Variants in RARB observed in about 807,000 individuals in gnomAD.
The protein encoded by RARB is HBV-activated protein.
A neutral mutation model predicts 51.9 loss-of-function variants in RARB; 17 were observed. The observed-to-expected ratio is 0.33, with a 90% CI of 0.22 to 0.49. RARB has a LOEUF of 0.49. RARB is among the 20% of genes least tolerant of loss of function. RARB has a pLI of 0.99. For missense variants in RARB, 369 were observed against 550.8 expected, an observed-to-expected ratio of 0.67 and a Z score of 3.30; for synonymous variants, 215 against 195.4, an observed-to-expected ratio of 1.10 and a Z score of -0.84.
chr3:25,085,446 G>A (rs951343727), intron 3 of RARB, among the ~76,000 whole-genome samples: 1 of 152,046 alleles, frequency 6.6e-6, no homozygotes, highest in Non-Finnish European at 1.5e-5. Flanking sequence ...ATGTTTGGGG[G>A]AATTCTTGGT....
At position 25,008,459 on chromosome 3, in the gene RARB, G is replaced by A. The variant is rs183423232; in HGVS notation, c.-379-51666G>A. ...AAGTACAGTTCAGTCTTGTGAGGAT[G>A]ATGAAAGTTCTGCCTCTGAGTAGCT... On this transcript the variant is annotated intron_variant, in intron 2 of 11. Transcript: ENST00000383772. 3.9e-5 allele frequency among the ~76,000 whole-genome samples: 6 copies of A among 152,246 alleles called. 1 individual carries two copies. The East Asian group carries it at 1.2e-3, about 29-fold the overall frequency.
chr3:25,078,888 A>G (rs1385575795), intron 3 of RARB, among the ~76,000 whole-genome samples: 1 of 152,120 alleles, frequency 6.6e-6, no homozygotes, highest in Non-Finnish European at 1.5e-5. Flanking sequence ...TTGCATTTTT[A>G]TATAAATTTT....
intron 2 of RARB, among the ~76,000 whole-genome samples, chr3:25,485,800 A>T (rs1390101873): frequency 6.6e-6 from 1 of 152,200 alleles, no homozygotes; most frequent in Non-Finnish European, 1.5e-5. Context: ...TCGGGAACAG[A>T]GGCAGAGCAT....
intron 3 of RARB, among the ~76,000 whole-genome samples, chr3:25,552,881 G>T (rs534614283): frequency 6.6e-6 from 1 of 152,246 alleles, no homozygotes; most frequent in East Asian, 1.9e-4. Flanking sequence ...TTACATCATG[G>T]TCTCTACTTT....
intron 2 of RARB, among the ~76,000 whole-genome samples, chr3:24,920,235 C>G (rs1695189511): frequency 6.6e-6 from 1 of 152,138 alleles, no homozygotes; most frequent in Non-Finnish European, 1.5e-5. Context: ...TAAAAATAGT[C>G]CACCTCTATC....
intron 1 of RARB, among the ~76,000 whole-genome samples, chr3:25,450,147 A>G (rs1709128502): frequency 6.6e-6 from 1 of 152,186 alleles, no homozygotes; most frequent in African/African-American, 2.4e-5. Flanking sequence ...AGCCTACAGT[A>G]TATGCTCCAT....
intron 3 of RARB, among the ~76,000 whole-genome samples, chr3:25,545,136 G>A (rs1390091697): frequency 6.6e-6 from 1 of 151,952 alleles, no homozygotes; most frequent in Non-Finnish European, 1.5e-5. Context: ...GTAGAGATGG[G>A]GTTTTACCAT....
chr3:25,287,290 TTA>T (rs1216950006), intron 5 of RARB, among the ~76,000 whole-genome samples: 2 of 152,208 alleles, frequency 1.3e-5, no homozygotes, highest in Non-Finnish European at 2.9e-5. Flanking sequence ...TGACGTGGTT[TTA>T]TTTTTCCCTT....
chr3:25,524,443 A>G (rs1698547892), intron 3 of RARB, among the ~76,000 whole-genome samples: 1 of 152,190 alleles, frequency 6.6e-6, no homozygotes, highest in Non-Finnish European at 1.5e-5. Flanking sequence ...TTAGATTTGC[A>G]AAGTACCAGC....
intron 3 of RARB, among the ~76,000 whole-genome samples, chr3:25,517,841 C>T (rs1477130893): frequency 5.3e-5 from 8 of 152,020 alleles, no homozygotes; most frequent in Non-Finnish European, 5.9e-5. Flanking sequence ...ATATATGGTA[C>T]GACATGGATG....
chr3:24,829,419 C>G (rs1348956560), intron 1 of RARB, among the ~76,000 whole-genome samples: 1 of 152,184 alleles, frequency 6.6e-6, no homozygotes, highest in Non-Finnish European at 1.5e-5. Context: ...GCCAGGAGAG[C>G]GCGCTGGCGG....
rs568980321 is a variant in RARB at position 25,053,302 on chromosome 3, C to T, written c.-379-6823C>T. 8.5e-5 allele frequency among the ~76,000 whole-genome samples: 13 copies of T among 152,254 alleles called. No homozygotes were observed. In the South Asian group the frequency reaches 2.7e-3, roughly 32 times the overall value. On this transcript the variant is annotated intron_variant, in intron 2 of 11. Transcript: ENST00000383772. Reference sequence around the variant, plus strand: ...AATCTGCTGCAACTTCCAGCCTCTGCCTTGTATCATACATGGTCACCTACC... The same window carrying T: ...AATCTGCTGCAACTTCCAGCCTCTGTCTTGTATCATACATGGTCACCTACC...
At chr3:25,406,526 T>G (rs1707413412) in intron 5 of RARB, among the ~76,000 whole-genome samples, 1 of 152,204 alleles carries the variant, frequency 6.6e-6, no homozygotes, top group Non-Finnish European at 1.5e-5. Flanking sequence ...CCTCTGTGCT[T>G]GCACACCCCC....
chr3:25,390,415 C>A (rs1706917982), intron 5 of RARB, among the ~76,000 whole-genome samples: 2 of 152,276 alleles, frequency 1.3e-5, no homozygotes, highest in Non-Finnish European at 2.9e-5. Flanking sequence ...TGGGACTTCC[C>A]AGTCTCCAGA....
At chr3:25,301,962 A>T (rs1704051499) in intron 5 of RARB, among the ~76,000 whole-genome samples, 1 of 152,326 alleles carries the variant, frequency 6.6e-6, no homozygotes, top group South Asian at 2.1e-4. Flanking sequence ...GGCCCACAGG[A>T]GTGAAATCAA....
chr3:25,574,668 A>G (rs1248986904), intron 4 of RARB, among the ~76,000 whole-genome samples: 1 of 152,234 alleles, frequency 6.6e-6, no homozygotes, highest in Non-Finnish European at 1.5e-5. Context: ...GTGAATATGA[A>G]CTATGAAGAT....
At chr3:24,985,663 AAAAC>A (rs1328063910) in intron 2 of RARB, among the ~76,000 whole-genome samples, 5 of 152,230 alleles carry the variant, frequency 3.3e-5, no homozygotes, top group Non-Finnish European at 7.3e-5. Context: ...GGTTTGGAAA[AAAAC>A]AAACGTGGGT....
chr3:25,425,291 T>C (rs532259440), upstream of RARB, among the ~76,000 whole-genome samples: 1 of 152,344 alleles, frequency 6.6e-6, no homozygotes, highest in Admixed American at 6.5e-5. Flanking sequence ...TAAAGAATTA[T>C]GGCTTATTTA....
intron 2 of RARB, among the ~76,000 whole-genome samples, chr3:24,892,034 G>C (rs192141558): frequency 2.6e-5 from 4 of 152,194 alleles, no homozygotes; most frequent in African/African-American, 9.6e-5. Context: ...CCACAGCCCA[G>C]TTAGACTTGT....
Sources: allele counts gnomAD v4.1 joint callset (sites outside exome capture counted in the v4.1 genomes callset), GRCh38; gene constraint gnomAD v4.1.1; transcripts MANE v1.5; gene names NCBI Gene and HGNC (gene_info 2026-07-23, HGNC 2026-07-21).